Variants in S100Z observed in about 807,000 individuals in gnomAD.
S100Z encodes the protein protein S100-Z.
S100Z carries 11 observed loss-of-function variants against 8.5 expected under a neutral mutation model. The observed-to-expected ratio is 1.30, with a 90% CI of 0.82 to 2.15. S100Z has a LOEUF of 2.15. S100Z is among the 30% of genes most tolerant of loss of function. S100Z has a pLI of 0.00. For missense variants in S100Z, 126 were observed against 117.9 expected (o/e 1.07, Z -0.32); for synonymous variants, 34 against 43.8 (o/e 0.78, Z 0.89).
At chr5:76,915,462 G>C (rs1306633144) in intron 4 of S100Z, among the ~76,000 whole-genome samples, 1 of 151,672 alleles carries the variant, frequency 6.6e-6, no homozygotes, top group African/African-American at 2.4e-5. Context: ...AAAAAAATTA[G>C]CCAGGCATGG....
chr5:76,879,499 G>A (rs1333468833), intron 4 of S100Z, among the ~76,000 whole-genome samples: 1 of 152,190 alleles, frequency 6.6e-6, no homozygotes, highest in Non-Finnish European at 1.5e-5. Context: ...AAGGCATGTG[G>A]GCAGATCAAT....
At chr5:76,882,142 G>A (rs766075929) in intron 4 of S100Z, among the ~76,000 whole-genome samples, 42 of 152,234 alleles carry the variant, frequency 2.8e-4, no homozygotes, top group Admixed American at 1.8e-3. Context: ...AATTATATGC[G>A]TCAGGTGTGA....
intron 4 of S100Z, among the ~76,000 whole-genome samples, chr5:76,886,823 C>T (rs1411298085): frequency 5.9e-5 from 9 of 152,010 alleles, no homozygotes; most frequent in African/African-American, 1.2e-4. Context: ...TTGCAAAGAA[C>T]CTTCTTAAGG....
chr5:76,936,366 A>C, the S100Z span, among the ~76,000 whole-genome samples: 2 of 152,178 alleles, frequency 1.3e-5, no homozygotes, highest in African/African-American at 2.4e-5. Context: ...TTTTTATAAG[A>C]AAAATTATGT....
chr5:76,948,276 A>T, the S100Z span, among the ~76,000 whole-genome samples: 1 of 152,078 alleles, frequency 6.6e-6, no homozygotes, highest in Non-Finnish European at 1.5e-5. Flanking sequence ...CAGTGTCCTG[A>T]GATTATGCCA....
At chr5:76,894,518 C>T (rs543196709) in intron 4 of S100Z, among the ~76,000 whole-genome samples, 4 of 152,062 alleles carry the variant, frequency 2.6e-5, no homozygotes, top group South Asian at 4.2e-4. Context: ...CATATACGTA[C>T]GCATGGAAGA....
chr5:76,942,652 T>G, the S100Z span, among the ~76,000 whole-genome samples: 1 of 152,162 alleles, frequency 6.6e-6, no homozygotes, highest in Non-Finnish European at 1.5e-5. Context: ...GGGTGTTTAG[T>G]ATCAGCTCTT....
At position 76,863,417 on chromosome 5, in the gene S100Z, A is replaced by T. The variant is rs74409548; in HGVS notation, c.-175-6749A>T. ...GGTTGTCATTTTACGCTTGTGAAAA[A>T]GGAGGCCCATTTATATCACATAACT... On this transcript the variant is annotated intron_variant, in intron 1 of 4. Coordinates refer to ENST00000317593, the MANE Select transcript of S100Z (RefSeq NM_130772.4). Among the ~76,000 whole-genome samples, 542 of 152,358 alleles carry T rather than the reference A, an allele frequency of 3.6e-3. 2 individuals carry two copies. The highest frequency in any genetic ancestry group is 0.012 in the African/African-American group (496 of 41,576).
At chr5:76,850,388 C>T (rs75097802) in intron 1 of S100Z, among the ~76,000 whole-genome samples, 1,652 of 151,282 alleles carry the variant, frequency 0.011, 13 homozygotes, top group African/African-American at 0.025. Flanking sequence ...TAGCTCGGAG[C>T]GTAGAGGTTC....
intron 1 of S100Z, among the ~76,000 whole-genome samples, chr5:76,851,572 A>C (rs1750730425): frequency 6.6e-6 from 1 of 152,088 alleles, no homozygotes; most frequent in African/African-American, 2.4e-5. Flanking sequence ...AGTTGGGTGA[A>C]TGAGGGTATT....
intron 4 of S100Z, among the ~76,000 whole-genome samples, chr5:76,884,670 A>T (rs542267264): frequency 1.4e-4 from 21 of 152,314 alleles, no homozygotes; most frequent in African/African-American, 4.6e-4. Context: ...AAGAGGAAAT[A>T]GTTGGGCAAG....
chr5:76,934,899 G>T, the S100Z span, among the ~76,000 whole-genome samples: 1 of 152,140 alleles, frequency 6.6e-6, no homozygotes, highest in Non-Finnish European at 1.5e-5. Context: ...TATATATTTT[G>T]TTGGGGTCTC....
chr5:76,909,112 G>T (rs938271578), intron 4 of S100Z, among the ~76,000 whole-genome samples: 2 of 152,016 alleles, frequency 1.3e-5, no homozygotes, highest in African/African-American at 4.8e-5. Context: ...AGGTGTTTTC[G>T]GCTACTGCAT....
chr5:76,884,599 G>A (rs934965375), intron 4 of S100Z, among the ~76,000 whole-genome samples: 1 of 152,236 alleles, frequency 6.6e-6, no homozygotes, highest in Non-Finnish European at 1.5e-5. Context: ...TTTGGGAAAG[G>A]TCTGATAGAG....
chr5:76,915,625 A>AAAAAAT lies in S100Z; in HGVS notation c.*3-5082_*3-5077dup, dbSNP rs1341866905. Among the ~76,000 whole-genome samples, 4 of 151,994 alleles carry AAAAAAT rather than the reference A, an allele frequency of 2.6e-5. No individual in the cohort carries two copies. The East Asian group carries it at 7.7e-4, about 29-fold the overall frequency. ...TCCGTCTCAAAGAAAATAAATAAATAAAAAATAAAAATAAATAAATAAATA... is the reference window on the plus strand; with the variant it reads ...TCCGTCTCAAAGAAAATAAATAAATAAAAAATAAAAATAAAAATAAATAAATAAATA... On this transcript the variant is annotated intron_variant, in intron 4 of 4. Transcript: ENST00000317593.
At chr5:76,898,977 C>T (rs1580049091) in intron 4 of S100Z, among the ~76,000 whole-genome samples, 1 of 133,158 alleles carries the variant, frequency 7.5e-6, no homozygotes, top group East Asian at 2.2e-4. Context: ...CTCTTGTTGC[C>T]CAGGCTGGAG....
chr5:76,916,142 C>G (rs1744847732), intron 4 of S100Z, among the ~76,000 whole-genome samples: 1 of 132,678 alleles, frequency 7.5e-6, no homozygotes. Context: ...GCCTGGGAGA[C>G]AGAGTGAGAC....
At chr5:76,950,919 A>G in the S100Z span, among the ~76,000 whole-genome samples, 1 of 152,208 alleles carries the variant, frequency 6.6e-6, no homozygotes, top group Non-Finnish European at 1.5e-5. Context: ...CCTATTTTTA[A>G]TACTTTCTCT....
the S100Z span, among the ~76,000 whole-genome samples, chr5:76,933,438 A>G: frequency 3.9e-5 from 6 of 152,326 alleles, no homozygotes; most frequent in South Asian, 1.0e-3. Context: ...TGTTCCCTAG[A>G]GAGCTGAGCA....
Sources: allele counts gnomAD v4.1 joint callset (sites outside exome capture counted in the v4.1 genomes callset), GRCh38; gene constraint gnomAD v4.1.1; transcripts MANE v1.5; gene names NCBI Gene and HGNC (gene_info 2026-07-23, HGNC 2026-07-21).